Variants in STRIP2 observed in about 807,000 individuals in gnomAD.
The protein encoded by STRIP2 is striatin-interacting protein 2.
Under a neutral mutation model 107.1 loss-of-function variants are expected in STRIP2, and 84 were observed. That is an observed-to-expected ratio of 0.78 (90% CI 0.66 to 0.94). STRIP2 has a LOEUF of 0.94. Among genes scored for constraint, STRIP2 ranks in the 40% least tolerant of loss-of-function variants. The pLI is 0.00. For synonymous variants in STRIP2, 394 were observed against 400.4 expected (o/e 0.98, Z 0.19); for missense variants, 888 against 1,034.2 (o/e 0.86, Z 1.94).
At chr7:129,470,955 A>G (rs925059595) in intron 18 of STRIP2, among the ~76,000 whole-genome samples, 1 of 152,222 alleles carries the variant, frequency 6.6e-6, no homozygotes. Context: ...GAAAAACACT[A>G]AGGAGGAAAA....
intron 1 of STRIP2, among the ~76,000 whole-genome samples, chr7:129,438,408 A>C (rs1053788899): frequency 6.6e-6 from 1 of 152,228 alleles, no homozygotes; most frequent in Non-Finnish European, 1.5e-5. Flanking sequence ...ATGCCTTTAT[A>C]GTATAATATT....
chr7:129,471,022 G>A (rs943973576), intron 18 of STRIP2, among the ~76,000 whole-genome samples: 2 of 152,184 alleles, frequency 1.3e-5, no homozygotes, highest in African/African-American at 4.8e-5. Flanking sequence ...GCTAAATGCA[G>A]GACAATCTCT....
In STRIP2 at chr7:129,461,569, A is replaced by G. The variant is rs536324169; in HGVS notation, c.1476+1197A>G. Among the ~76,000 whole-genome samples the G allele has an allele frequency of 2.1e-5, 3 of 143,594 alleles. No individual in the cohort carries two copies. The highest frequency in any genetic ancestry group is 4.9e-5 in the African/African-American group (2 of 41,182). 94.2% of individuals were successfully genotyped at this position (143,594 alleles called of 152,430 possible). ...ATCATAAAAGCTAAGAAAGTCTTTC[A>G]AGAAAAAAGGAGTGATCTGCTGGGT... is the stretch of plus-strand genomic sequence containing the variant. On this transcript the variant is annotated intron_variant, in intron 13 of 20. Coordinates refer to ENST00000249344, the MANE Select transcript of STRIP2 (RefSeq NM_020704.3). This position sits in a 1 kb window ranked among gnomAD's most constrained non-coding sequence, Gnocchi z 4.0.
Position 129,458,895 on chromosome 7 carries a change from C to A in STRIP2, c.1340+118C>A. ...CATAATGTAACCTAGAGCCCCTAGG[C>A]CATGGACAACTCCCAGTGACTACTT... On this transcript the variant is annotated intron_variant, in intron 11 of 20. Coordinates refer to ENST00000249344, the MANE Select transcript of STRIP2 (RefSeq NM_020704.3). This position sits in a 1 kb window ranked among gnomAD's most constrained non-coding sequence, Gnocchi z 4.6. 2 of 888,262 alleles carry A rather than the reference C, an allele frequency of 2.3e-6. No individual in the cohort carries two copies. Among genetic ancestry groups the A allele is most frequent in the Non-Finnish European group, 3.6e-6 (2 of 548,932 alleles). 55.0% of individuals were successfully genotyped at this position (888,262 alleles called of 1,614,324 possible). A position where few individuals can be genotyped will look rare whatever the true frequency, so the allele number is the denominator to read the frequency against.
intron 7 of STRIP2, among the ~76,000 whole-genome samples, 200 bp from the exon 8 acceptor site, chr7:129,455,044 C>T (rs750947193): frequency 2.0e-5 from 3 of 152,236 alleles, no homozygotes. Context: ...GGGGCCTATG[C>T]CATTTTAATT....
At position 129,482,848 on chromosome 7, in the gene STRIP2, G is replaced by A. The variant is rs551466468; in HGVS notation, c.2056G>A (p.Val686Ile). 16 of 1,614,066 alleles carry A rather than the reference G, an allele frequency of 9.9e-6. No individual in the cohort carries two copies. In the East Asian group the frequency reaches 3.1e-4, roughly 31 times the overall value. Reference protein sequence around the residue: ...KWKHSRTMMLVVFKSAPILKR... With the variant: ...KWKHSRTMMLIVFKSAPILKR... ...CCCCTCTTTCAATGAACAGATGCTG[G>A]TAGTGTTTAAATCGGCACCAATCTT... Residue 686 changes from valine to isoleucine, a missense_variant, in exon 20 of 21, where the codon GTA (valine) becomes ATA (isoleucine). Coordinates refer to ENST00000249344, the MANE Select transcript of STRIP2 (RefSeq NM_020704.3).
At chr7:129,459,719 C>A in intron 12 of STRIP2, 139 bp downstream of exon 12, 1 of 624,278 alleles carries the variant, frequency 1.6e-6, no homozygotes, top group Non-Finnish European at 2.8e-6. Context: ...GTCCTTTGGC[C>A]AAATAGGAAA....
intron 5 of STRIP2, 122 bp from the exon 6 acceptor site, chr7:129,454,020 G>T: frequency 3.5e-6 from 3 of 846,688 alleles, no homozygotes; most frequent in Non-Finnish European, 3.8e-6. Flanking sequence ...CTCTAGACCA[G>T]TTTCATTAGT....
chr7:129,435,102 C>A (rs1797698530), intron 1 of STRIP2, among the ~76,000 whole-genome samples: 1 of 152,172 alleles, frequency 6.6e-6, no homozygotes, highest in Non-Finnish European at 1.5e-5. Flanking sequence ...CCGTTCCCTG[C>A]CCGTCCCCTT....
Position 129,454,438 on chromosome 7 carries a change from T to G in STRIP2, c.617T>G (p.Met206Arg). Residue 206 changes from methionine (M) to arginine (R), a missense_variant, in exon 7 of 21, where the codon ATG becomes AGG. Met to Arg is a moderately conservative substitution (Grantham distance 91). Transcript: ENST00000249344. ...STELRVLLSV[M>R]YLMVENIRLE... is the part of the protein sequence containing the mutation. Reference sequence around the variant, plus strand: ...AACCCCAGGGTGCTGCTGAGTGTTATGTACCTAATGGTGGAAAATATTCGC... The same window carrying G: ...AACCCCAGGGTGCTGCTGAGTGTTAGGTACCTAATGGTGGAAAATATTCGC... 6.2e-7 allele frequency: 1 copy of G among 1,613,958 alleles called. No homozygotes were observed. The highest frequency in any genetic ancestry group is 2.2e-5 in the East Asian group (1 of 44,864).
chr7:129,438,619 T>TA (rs1357470332), intron 1 of STRIP2, among the ~76,000 whole-genome samples: 1 of 152,194 alleles, frequency 6.6e-6, no homozygotes, highest in Non-Finnish European at 1.5e-5. Context: ...AATTCGATTC[T>TA]GACACTAACT....
rs1194390722 is a variant in STRIP2, at chr7:129,434,499, CG to C, written c.32del (p.Gly11AlafsTer99). On this transcript the variant is annotated frameshift_variant, in exon 1 of 21. Coordinates refer to ENST00000249344, the MANE Select transcript of STRIP2 (RefSeq NM_020704.3). LOFTEE classifies it high-confidence loss of function. ...TGGAGGACCCCGCCGCGCCTGGGACCGGGGGCCCGCCCGCAAATGGCAATGG... is the reference window on the plus strand; with the variant it reads ...TGGAGGACCCCGCCGCGCCTGGGACCGGGGCCCGCCCGCAAATGGCAATGG... Reference protein sequence around the residue: MEDPAAPGTGGPPANGNGNG... With the variant: MEDPAAPGTXGPPANGNGNG... 14 of 1,516,512 alleles carry C rather than the reference CG, an allele frequency of 9.2e-6. No individual in the cohort carries two copies. Among genetic ancestry groups the C allele is most frequent in the Middle Eastern group, 2.3e-4 (1 of 4,352 alleles). 93.9% of individuals were successfully genotyped at this position (1,516,512 alleles called of 1,614,324 possible).
chr7:129,460,219 C>G, intron 12 of STRIP2, 82 bp from the exon 13 acceptor site: 1 of 1,289,810 alleles, frequency 7.8e-7, no homozygotes, highest in South Asian at 1.4e-5. Flanking sequence ...CATTTCCTTG[C>G]TTTTGGGGAA....
intron 17 of STRIP2, among the ~76,000 whole-genome samples, chr7:129,467,772 G>C (rs1288078925): frequency 6.6e-6 from 1 of 152,054 alleles, no homozygotes; most frequent in Non-Finnish European, 1.5e-5. Flanking sequence ...GTCTGGCCAG[G>C]CGTTATTTTA....
At position 129,455,540 on chromosome 7, in the gene STRIP2, CTA is replaced by C. The variant is rs1273690470; in HGVS notation, c.834+171_834+172del. ...GGCTGTCCTAGAGACATCAGATGTTCTATGTTAGAATGGGTTTCATGTTTCTA... is the reference window on the plus strand; with the variant it reads ...GGCTGTCCTAGAGACATCAGATGTTCTGTTAGAATGGGTTTCATGTTTCTA... On this transcript the variant is annotated intron_variant, in intron 8 of 20. Transcript: ENST00000249344. Among the ~76,000 whole-genome samples, 3 of 152,272 alleles carry C rather than the reference CTA, an allele frequency of 2.0e-5. No individual in the cohort carries two copies. The East Asian group carries it at 5.8e-4, about 29-fold the overall frequency.
rs1453877332 is a variant in STRIP2, at chr7:129,485,771, T to G, written c.2447T>G (p.Leu816Arg). ...EDFHYSYELW[L>R]EREVFSQPIC... ...TTCCACTATTCATATGAGCTCTGGCTCGAGAGAGAGGTGTTTTCACAGCCC... is the reference window on the plus strand; with the variant it reads ...TTCCACTATTCATATGAGCTCTGGCGCGAGAGAGAGGTGTTTTCACAGCCC... Residue 816 changes from leucine (L) to arginine (R), a missense_variant, in exon 21 of 21, where the codon CTC becomes CGC. By Grantham distance (102) the Leu-to-Arg change is moderately radical. Coordinates refer to ENST00000249344, the MANE Select transcript of STRIP2 (RefSeq NM_020704.3). The G allele has an allele frequency of 6.2e-7, 1 of 1,614,076 alleles. No homozygotes were observed. The highest frequency in any genetic ancestry group is 1.7e-5 in the Admixed American group (1 of 60,010).
chr7:129,479,848 A>G (rs62489113), intron 18 of STRIP2, among the ~76,000 whole-genome samples: 33,620 of 152,072 alleles, frequency 0.22, 4,244 homozygotes, highest in Non-Finnish European at 0.28. Flanking sequence ...TCTTGGTATT[A>G]GGTATTAGGA....
chr7:129,437,915 C>T lies in STRIP2; in HGVS notation c.130-2107C>T, dbSNP rs534854046. On this transcript the variant is annotated intron_variant, in intron 1 of 20. Coordinates refer to ENST00000249344, the MANE Select transcript of STRIP2 (RefSeq NM_020704.3). Reference sequence around the variant, plus strand: ...CTGCCTCCCGGGTTCACGCCATTCTCCTGCCTCAGCCTCCCGAGTAGCTGG... The same window carrying T: ...CTGCCTCCCGGGTTCACGCCATTCTTCTGCCTCAGCCTCCCGAGTAGCTGG... Among the ~76,000 whole-genome samples, 795 of 151,768 alleles carry T rather than the reference C, an allele frequency of 5.2e-3. 11 individuals carry two copies. Among genetic ancestry groups the T allele is most frequent in the African/African-American group, 0.019 (765 of 41,310 alleles).
chr7:129,449,390 A>G (rs1200682402), intron 3 of STRIP2, among the ~76,000 whole-genome samples: 1 of 152,174 alleles, frequency 6.6e-6, no homozygotes, highest in African/African-American at 2.4e-5. Flanking sequence ...AACCAAACAA[A>G]GGTGTTGAGG....
Sources: allele counts gnomAD v4.1 joint callset (sites outside exome capture counted in the v4.1 genomes callset), GRCh38; gene constraint gnomAD v4.1.1; non-coding constraint Gnocchi (gnomAD v3.1); transcripts MANE v1.5; gene names NCBI Gene and HGNC (gene_info 2026-07-23, HGNC 2026-07-21).